Variants in CDH11 observed in about 807,000 individuals in gnomAD.
CDH11 encodes the protein cadherin-11.
Under a neutral mutation model 67.8 loss-of-function variants are expected in CDH11, and 11 were observed. That is an observed-to-expected ratio of 0.16 (90% CI 0.10 to 0.27). CDH11 has a LOEUF of 0.27. Ranked by LOEUF, CDH11 falls within the 10% of genes least tolerant of loss-of-function variation. The pLI is 1.00. For synonymous variants in CDH11, 419 were observed against 400.0 expected (o/e 1.05, Z -0.57); for missense variants, 847 against 1,031.2 (o/e 0.82, Z 2.45).
At chr16:65,094,858 T>C (rs1189075968) in intron 1 of CDH11, 1 of 152,024 alleles carries the variant, frequency 6.6e-6, no homozygotes, top group Non-Finnish European at 1.5e-5. Context: ...ACACCAGACA[T>C]GTGGCACCTT....
At chr16:65,082,585 A>T (rs144787913) in intron 1 of CDH11, among the ~76,000 whole-genome samples, 26 of 152,330 alleles carry the variant, frequency 1.7e-4, no homozygotes, top group African/African-American at 6.0e-4. Context: ...AGAAAAAAAG[A>T]ACTGTCTGGG....
intron 1 of CDH11, among the ~76,000 whole-genome samples, chr16:65,085,488 G>A (rs1266628890): frequency 6.6e-6 from 1 of 152,184 alleles, no homozygotes; most frequent in Non-Finnish European, 1.5e-5. Flanking sequence ...CACCCCTTTT[G>A]TAAAACACAG....
rs187532100 is a variant in CDH11, at chr16:64,948,721, T to C, written c.1895-622A>G. Reference sequence around the variant, plus strand: ...TTTAACATAGGAAAATAGCATCAGCTGGAAGCCCAGATAAAGCAATCTCAT... The same window carrying C: ...TTTAACATAGGAAAATAGCATCAGCCGGAAGCCCAGATAAAGCAATCTCAT... On this transcript the variant is annotated intron_variant, in intron 12 of 12. Coordinates refer to ENST00000268603, the MANE Select transcript of CDH11 (RefSeq NM_001797.4). The C allele has an allele frequency of 2.5e-6, 4 of 1,604,012 alleles. No individual in the cohort carries two copies. In the African/African-American group the frequency reaches 5.3e-5, roughly 21 times the overall value.
chr16:65,087,975 C>G (rs10500508), intron 1 of CDH11, among the ~76,000 whole-genome samples: 1 of 152,004 alleles, frequency 6.6e-6, no homozygotes, highest in Non-Finnish European at 1.5e-5. Flanking sequence ...ATACAAATGA[C>G]TGGTGATATG....
intron 1 of CDH11, among the ~76,000 whole-genome samples, chr16:65,071,783 T>C (rs1236579674): frequency 6.6e-6 from 1 of 151,992 alleles, no homozygotes; most frequent in East Asian, 1.9e-4. Flanking sequence ...AAACAAACTC[T>C]GAATCAAAGG....
At chr16:64,975,355 C>T (rs1032811708) in intron 8 of CDH11, among the ~76,000 whole-genome samples, 3 of 152,094 alleles carry the variant, frequency 2.0e-5, no homozygotes, top group African/African-American at 4.8e-5. Context: ...AATAAAAGAA[C>T]GCAAGCTCTC....
At chr16:65,100,750 A>G (rs558444438) in intron 1 of CDH11, among the ~76,000 whole-genome samples, 6 of 151,732 alleles carry the variant, frequency 4.0e-5, no homozygotes, top group South Asian at 2.1e-4. Flanking sequence ...AAAAAAAAAA[A>G]AAAGAAAGAA....
chr16:65,080,061 T>G (rs2074583125), intron 1 of CDH11, among the ~76,000 whole-genome samples: 3 of 152,194 alleles, frequency 2.0e-5, no homozygotes, highest in Admixed American at 2.0e-4. Context: ...TACACTATTT[T>G]TTTTCTATTT....
At chr16:64,962,441 C>G (rs1160789533) in intron 11 of CDH11, among the ~76,000 whole-genome samples, 1 of 152,092 alleles carries the variant, frequency 6.6e-6, no homozygotes, top group Non-Finnish European at 1.5e-5. Flanking sequence ...TAGGAACCAA[C>G]AAGCAAAAAC....
chr16:65,062,120 A>T (rs982074218), intron 1 of CDH11, among the ~76,000 whole-genome samples: 2 of 152,196 alleles, frequency 1.3e-5, no homozygotes, highest in Non-Finnish European at 2.9e-5. Flanking sequence ...TAAAAGAAAC[A>T]TGACTAAGGA....
chr16:65,007,170 G>A (rs1056937421), intron 2 of CDH11: 1 of 152,218 alleles, frequency 6.6e-6, no homozygotes, highest in African/African-American at 2.4e-5. Context: ...ATTCCATTTT[G>A]ATGAACTTTG....
chr16:64,948,387 T>C lies in CDH11; in HGVS notation c.1895-288A>G, dbSNP rs138250285. Among the ~76,000 whole-genome samples, 12 of 152,334 alleles carry C rather than the reference T, an allele frequency of 7.9e-5. No homozygotes were observed. In the East Asian group the frequency reaches 2.3e-3, roughly 29 times the overall value. On this transcript the variant is annotated intron_variant, in intron 12 of 12. Coordinates refer to ENST00000268603, the MANE Select transcript of CDH11 (RefSeq NM_001797.4). ...ATCCAGACACCATTTAGGAGTCATC[T>C]TCCTAAGAACTAGGAAGATTCTAAA...
chr16:64,999,136 A>G (rs927304741), intron 3 of CDH11, among the ~76,000 whole-genome samples: 4 of 152,224 alleles, frequency 2.6e-5, no homozygotes, highest in Non-Finnish European at 5.9e-5. Context: ...GCGCATATGC[A>G]AAATATAAAA....
chr16:65,076,235 T>C (rs1051866774), intron 1 of CDH11, among the ~76,000 whole-genome samples: 3 of 152,218 alleles, frequency 2.0e-5, no homozygotes, highest in Non-Finnish European at 4.4e-5. Flanking sequence ...TTTTCTTTGA[T>C]TTATCTCCCA....
At chr16:64,994,697 A>G (rs1360489335) in intron 4 of CDH11, among the ~76,000 whole-genome samples, 1 of 152,232 alleles carries the variant, frequency 6.6e-6, no homozygotes. Flanking sequence ...ATAGTACTGG[A>G]AGTCCTAATC....
At chr16:64,953,428 C>T (rs1455645278) in intron 11 of CDH11, among the ~76,000 whole-genome samples, 1 of 151,980 alleles carries the variant, frequency 6.6e-6, no homozygotes, top group Non-Finnish European at 1.5e-5. Context: ...TCCTTCACTG[C>T]CAACATTTCA....
intron 11 of CDH11, among the ~76,000 whole-genome samples, chr16:64,956,126 A>C (rs1364693567): frequency 6.6e-6 from 1 of 152,114 alleles, no homozygotes; most frequent in Non-Finnish European, 1.5e-5. Flanking sequence ...GAAGCAAAAA[A>C]CTCAATCTTT....
intron 11 of CDH11, among the ~76,000 whole-genome samples, chr16:64,965,817 CAA>C (rs1199864729): frequency 1.7e-5 from 2 of 120,698 alleles, no homozygotes; most frequent in African/African-American, 3.2e-5. Context: ...CACACACACA[CAA>C]GCTTATTTAT....
At chr16:65,063,259 GT>G (rs1210822062) in intron 1 of CDH11, among the ~76,000 whole-genome samples, 1 of 145,748 alleles carries the variant, frequency 6.9e-6, no homozygotes, top group African/African-American at 2.8e-5. Context: ...TCTCAAGGAT[GT>G]TTTTTTCTTT....
Sources: gnomAD v4.1 joint callset for allele counts (sites outside exome capture counted in the v4.1 genomes callset) on GRCh38, gnomAD v4.1.1 for gene constraint, MANE v1.5 for transcripts, NCBI Gene and HGNC (gene_info 2026-07-23, HGNC 2026-07-21) for gene names.